The following ZNF221 variants were observed in gnomAD, a reference collection of about 807,000 sequenced individuals.
The protein encoded by ZNF221 is zinc finger protein 221.
In ZNF221, 10 loss-of-function variants were observed where a neutral mutation model predicts 12.6. The ratio of observed to expected loss-of-function variants is 0.79; its 90% confidence interval spans 0.49 to 1.34. ZNF221 has a LOEUF of 1.34. ZNF221 is among the 40% of genes most tolerant of loss of function. The probability of loss-of-function intolerance (pLI) is 0.00; values close to 1 mark genes in which losing one functional copy is unlikely to be tolerated. For synonymous variants in ZNF221, 232 were observed against 244.0 expected, an observed-to-expected ratio of 0.95 and a Z score of 0.46; for missense variants, 661 against 721.4, an observed-to-expected ratio of 0.92 and a Z score of 0.96.
At position 43,965,313 on chromosome 19, in the gene ZNF221, G is replaced by A; in HGVS notation, c.289G>A (p.Glu97Lys). The change falls in exon 4 of 5, where the codon GAA becomes AAA. Residue 97 changes from glutamate (E) to lysine (K), a missense_variant. Transcript: ENST00000587682. ...FWKMKTTSQR[E>K]GNSGGKIQIE... Reference sequence around the variant, plus strand: ...GAAGATGAAGACAACAAGCCAAAGAGAAGGGAATTCAGGTAAGAACCAAGT... The same window carrying A: ...GAAGATGAAGACAACAAGCCAAAGAAAAGGGAATTCAGGTAAGAACCAAGT... 6.2e-7 allele frequency: 1 copy of A among 1,613,110 alleles called. No individual in the cohort carries two copies. The highest frequency in any genetic ancestry group is 8.5e-7 in the Non-Finnish European group (1 of 1,179,488).
chr19:43,966,475 C>G lies in ZNF221; in HGVS notation c.973C>G (p.Leu325Val). 1.2e-6 allele frequency: 2 copies of G among 1,614,172 alleles called. No individual in the cohort carries two copies. The highest frequency in any genetic ancestry group is 1.7e-6 in the Non-Finnish European group (2 of 1,180,032). Reference protein sequence around the residue: ...CGKSFRVRSRLNRHSMVHTGE... With the variant: ...CGKSFRVRSRVNRHSMVHTGE... Reference sequence around the variant, plus strand: ...TAAGAGCTTCCGTGTTAGATCAAGACTTAATAGGCATTCCATGGTTCACAC... The same window carrying G: ...TAAGAGCTTCCGTGTTAGATCAAGAGTTAATAGGCATTCCATGGTTCACAC... Residue 325 changes from leucine to valine, a missense_variant, in exon 5 of 5, where the codon CTT (leucine) becomes GTT (valine). Leu to Val is a conservative substitution (Grantham distance 32, BLOSUM62 1). Transcript: ENST00000587682.
the ZNF221 span, among the ~76,000 whole-genome samples, chr19:43,976,553 A>G: frequency 6.6e-6 from 1 of 152,112 alleles, no homozygotes; most frequent in Non-Finnish European, 1.5e-5. Context: ...AATTCCTAAT[A>G]AGTTTTGAAT....
intron 1 of ZNF221, among the ~76,000 whole-genome samples, chr19:43,954,535 G>C (rs1030120091): frequency 6.6e-6 from 1 of 152,150 alleles, no homozygotes; most frequent in Non-Finnish European, 1.5e-5. Flanking sequence ...GGTTACTTAG[G>C]TGCAGAATAG....
At chr19:43,954,083 CAAAAAAAAAAAAA>C (rs5828186) in intron 1 of ZNF221, among the ~76,000 whole-genome samples, 1 of 86,678 alleles carries the variant, frequency 1.2e-5, no homozygotes, top group Non-Finnish European at 2.2e-5. Flanking sequence ...GACTCCGTCT[CAAAAAAAAAAAAA>C]AAAAAAAAAG....
chr19:43,964,916 A>G (rs775520978), intron 2 of ZNF221, 34 bp from the exon 3 acceptor site: 2 of 1,613,834 alleles, frequency 1.2e-6, no homozygotes, highest in South Asian at 1.1e-5. Context: ...ATCATTGGTC[A>G]TAAGATTTAG....
At position 43,965,966 on chromosome 19, in the gene ZNF221, A is replaced by G; in HGVS notation, c.464A>G (p.Gln155Arg). 1 of 1,614,260 alleles carries G rather than the reference A, an allele frequency of 6.2e-7. No homozygotes were observed. Among genetic ancestry groups the G allele is most frequent in the South Asian group, 1.1e-5 (1 of 91,090 alleles). Residue 155 changes from glutamine (Q) to arginine (R), a missense_variant, in exon 5 of 5, where the codon CAG becomes CGG. Gln to Arg is a conservative substitution (Grantham distance 43). Transcript: ENST00000587682. Reference sequence around the variant, plus strand: ...TTCAAAGAAGGTGATGTCCCCTGCCAGATTGAGGCAAGACTATCTATAAGT... The same window carrying G: ...TTCAAAGAAGGTGATGTCCCCTGCCGGATTGAGGCAAGACTATCTATAAGT... ...QFFKEGDVPC[Q>R]IEARLSISHV...
the ZNF221 span, among the ~76,000 whole-genome samples, chr19:43,979,600 C>A: frequency 6.6e-6 from 1 of 152,118 alleles, no homozygotes; most frequent in Non-Finnish European, 1.5e-5. Flanking sequence ...TTAGTAGCAT[C>A]TTCCTCTCGT....
At position 43,962,184 on chromosome 19, in the gene ZNF221, A is replaced by G. The variant is rs541417784; in HGVS notation, c.-2-541A>G. Among the ~76,000 whole-genome samples the G allele has an allele frequency of 4.3e-4, 66 of 152,294 alleles. No homozygotes were observed. The East Asian group carries it at 6.0e-3, about 14-fold the overall frequency. ...TTCCAACTTTATTGAGGTGTATTTT[A>G]CATGTCATAGAATTTACCCATTTCA... is the stretch of plus-strand genomic sequence containing the variant. On this transcript the variant is annotated intron_variant, in intron 1 of 4. Transcript: ENST00000587682.
chr19:43,956,521 C>T (rs1009834761), intron 1 of ZNF221, among the ~76,000 whole-genome samples: 8 of 150,856 alleles, frequency 5.3e-5, no homozygotes, highest in East Asian at 1.9e-4. Flanking sequence ...CTCTCTTATG[C>T]GAAACACTGA....
chr19:43,954,213 A>C (rs1974719575), intron 1 of ZNF221, among the ~76,000 whole-genome samples: 1 of 152,018 alleles, frequency 6.6e-6, no homozygotes, highest in Non-Finnish European at 1.5e-5. Flanking sequence ...CTTCCATTTG[A>C]TATACGGTTC....
chr19:43,962,683 C>A, intron 1 of ZNF221, 42 bp from the exon 2 acceptor site: 3 of 1,576,846 alleles, frequency 1.9e-6, no homozygotes, highest in Non-Finnish European at 2.6e-6. Flanking sequence ...TTCCTAGTTA[C>A]CATTTCCTGT....
rs1974977045 is a variant in ZNF221 at position 43,966,888 on chromosome 19, G to A, written c.1386G>A (p.Arg462=). 6.2e-7 allele frequency: 1 copy of A among 1,614,164 alleles called. No individual in the cohort carries two copies. Among genetic ancestry groups the A allele is most frequent in the Non-Finnish European group, 8.5e-7 (1 of 1,180,038 alleles). The change falls in exon 5 of 5, where the codon AGG becomes AGA. Residue 462 remains arginine, a synonymous_variant. Coordinates refer to ENST00000587682, the MANE Select transcript of ZNF221 (RefSeq NM_001297588.2). Reference sequence around the variant, plus strand: ...AGTGTGGTAAGGACTATAAAAGGAGGTTGGATCTTGAGTTTCACCAGAGGG... The same window carrying A: ...AGTGTGGTAAGGACTATAAAAGGAGATTGGATCTTGAGTTTCACCAGAGGG... The part of the protein sequence containing the change: ...CEECGKDYKR[R]LDLEFHQRVH...
chr19:43,973,456 C>T, the ZNF221 span, among the ~76,000 whole-genome samples: 1 of 152,154 alleles, frequency 6.6e-6, no homozygotes, highest in Non-Finnish European at 1.5e-5. Context: ...GAGAGGAAGT[C>T]ACAGTATCTT....
At chr19:43,975,058 G>A in the ZNF221 span, among the ~76,000 whole-genome samples, 1 of 152,056 alleles carries the variant, frequency 6.6e-6, no homozygotes. Flanking sequence ...AGTTGTTGGT[G>A]AAGTTGGGGA....
chr19:43,970,823 A>G (rs1195583594), downstream of ZNF221, among the ~76,000 whole-genome samples: 1 of 152,222 alleles, frequency 6.6e-6, no homozygotes, highest in Admixed American at 6.5e-5. Context: ...GGAGAATGGA[A>G]ACAAGTTGGA....
chr19:43,967,457 A>AGAGCTTT lies in ZNF221; in HGVS notation c.*103_*109dup. 1 of 915,242 alleles carries AGAGCTTT rather than the reference A, an allele frequency of 1.1e-6. No homozygotes were observed. The highest frequency in any genetic ancestry group is 2.3e-5 in the Admixed American group (1 of 43,102). 56.7% of individuals were successfully genotyped at this position (915,242 alleles called of 1,614,324 possible). On this transcript the variant is annotated 3_prime_UTR_variant, in exon 5 of 5. Transcript: ENST00000587682. ...CCATTCAAATATGAGAACTGTGGGA[A>AGAGCTTT]GAGCTTTGTACATAGATCATATCTT...
At chr19:43,973,625 G>A in the ZNF221 span, among the ~76,000 whole-genome samples, 7 of 152,070 alleles carry the variant, frequency 4.6e-5, no homozygotes, top group African/African-American at 1.7e-4. Context: ...GCAGAGAGCC[G>A]AATCATGAAT....
At chr19:43,968,274 G>A (rs1377894255), downstream of ZNF221, among the ~76,000 whole-genome samples, 1 of 152,236 alleles carries the variant, frequency 6.6e-6, no homozygotes, top group East Asian at 1.9e-4. Context: ...TCATTCAGAA[G>A]TTTGGCAATT....
At chr19:43,963,895 T>C (rs1974892583) in intron 2 of ZNF221, among the ~76,000 whole-genome samples, 1 of 152,194 alleles carries the variant, frequency 6.6e-6, no homozygotes, top group African/African-American at 2.4e-5. Flanking sequence ...AGGGTACTTG[T>C]GTTCACTCGG....
Sources: gnomAD v4.1 joint callset for allele counts (sites outside exome capture counted in the v4.1 genomes callset) on GRCh38, gnomAD v4.1.1 for gene constraint, MANE v1.5 for transcripts, NCBI Gene and HGNC (gene_info 2026-07-23, HGNC 2026-07-21) for gene names.